Variants in PLCL2 observed in about 807,000 individuals in gnomAD.
PLCL2 encodes the protein inactive phospholipase C-like protein 2.
PLCL2 carries 4 observed loss-of-function variants against 79.6 expected under a neutral mutation model. The ratio of observed to expected loss-of-function variants is 0.05; its 90% confidence interval spans 0.02 to 0.11. PLCL2 has a LOEUF of 0.11. Ranked by LOEUF, PLCL2 falls within the 10% of genes least tolerant of loss-of-function variation. The probability of loss-of-function intolerance (pLI) is 1.00; values close to 1 mark genes in which losing one functional copy is unlikely to be tolerated. For missense variants in PLCL2, 895 were observed against 1,291.0 expected (o/e 0.69, Z 4.70); for synonymous variants, 484 against 457.7 (o/e 1.06, Z -0.73).
At chr3:16,992,884 A>C (rs747984035) in intron 1 of PLCL2, among the ~76,000 whole-genome samples, 2 of 152,212 alleles carry the variant, frequency 1.3e-5, no homozygotes, top group African/African-American at 4.8e-5. Context: ...ATGGCTGTTC[A>C]TCTCCTGGGT....
chr3:16,945,005 C>G (rs2063587574), intron 1 of PLCL2, among the ~76,000 whole-genome samples: 1 of 152,130 alleles, frequency 6.6e-6, no homozygotes. Context: ...GGTGATCCAC[C>G]CACCTGGGCC....
intron 5 of PLCL2, among the ~76,000 whole-genome samples, chr3:17,082,784 A>G (rs1027428569): frequency 3.9e-5 from 6 of 152,168 alleles, no homozygotes; most frequent in Admixed American, 1.3e-4. Flanking sequence ...TCACTAAGAC[A>G]TAACTTTTCG....
In PLCL2 at chr3:17,011,354, C is replaced by T; in HGVS notation, c.2008C>T (p.Arg670Cys). Residue 670 changes from arginine (R) to cysteine (C), a missense_variant, in exon 2 of 6, where the codon CGT (arginine) becomes TGT (cysteine). This residue lies in a region of PLCL2 where 242 missense variants were observed against 399.5 expected (regional missense o/e 0.61). Transcript: ENST00000615277. The surrounding 1 kb of genome is among the most constrained non-coding windows in gnomAD (Gnocchi z 7.9). ...AGGGGACTTTGTAAATTACAACAAACGTTTTCTTGCTAGGGTTTTTCCCAG... is the reference window on the plus strand; with the variant it reads ...AGGGGACTTTGTAAATTACAACAAATGTTTTCTTGCTAGGGTTTTTCCCAG... ...NPGDFVNYNK[R>C]FLARVFPSPM... is the part of the protein sequence containing the mutation. 1 of 1,614,068 alleles carries T rather than the reference C, an allele frequency of 6.2e-7. No homozygotes were observed. The highest frequency in any genetic ancestry group is 8.5e-7 in the Non-Finnish European group (1 of 1,179,996).
chr3:16,961,843 G>T (rs976382528), intron 1 of PLCL2, among the ~76,000 whole-genome samples: 6 of 152,182 alleles, frequency 3.9e-5, no homozygotes, highest in Admixed American at 1.3e-4. Flanking sequence ...GGACCCAAGG[G>T]GGCAAAGGCG....
At chr3:16,924,176 A>G (rs1445558293) in intron 1 of PLCL2, among the ~76,000 whole-genome samples, 1 of 152,160 alleles carries the variant, frequency 6.6e-6, no homozygotes, top group Non-Finnish European at 1.5e-5. Context: ...ATCCCTTTGC[A>G]TACCATGTAG....
At chr3:16,958,642 A>G (rs75908466) in intron 1 of PLCL2, among the ~76,000 whole-genome samples, 4,356 of 152,334 alleles carry the variant, frequency 0.029, 228 homozygotes, top group African/African-American at 0.1. Flanking sequence ...TATATAAAAA[A>G]TAAAGTCACT....
In PLCL2 at chr3:17,010,518, CCAAAGA is replaced by C; in HGVS notation, c.1173_1178del (p.Lys392_Glu393del). ...GAAATTATTCACAAATATGAACCAT[CCAAAGA>C]GGGTCAGGAAAAGGGCTGGCTCTCC... On this transcript the variant is annotated inframe_deletion, in exon 2 of 6. Coordinates refer to ENST00000615277, the MANE Select transcript of PLCL2 (RefSeq NM_001144382.2). This position sits in a 1 kb window ranked among gnomAD's most constrained non-coding sequence, Gnocchi z 5.8. The C allele has an allele frequency of 6.2e-7, 1 of 1,613,934 alleles. No individual in the cohort carries two copies.
intron 1 of PLCL2, among the ~76,000 whole-genome samples, chr3:16,912,941 A>G (rs755502968): frequency 2.0e-5 from 3 of 152,272 alleles, no homozygotes; most frequent in South Asian, 2.1e-4. Flanking sequence ...CCTGTCTCCA[A>G]CACATGCTTA....
intron 1 of PLCL2, among the ~76,000 whole-genome samples, chr3:16,961,994 G>A (rs888934277): frequency 4.6e-5 from 7 of 152,118 alleles, no homozygotes; most frequent in East Asian, 1.9e-4. Flanking sequence ...AGCTCCTGCC[G>A]GGAGGAATCT....
intron 3 of PLCL2, among the ~76,000 whole-genome samples, chr3:17,026,972 AAAT>A (rs765037987): frequency 6.6e-6 from 1 of 152,188 alleles, no homozygotes; most frequent in Non-Finnish European, 1.5e-5. Context: ...TTATTTAGCT[AAAT>A]ATAACTGGGA....
intron 1 of PLCL2, among the ~76,000 whole-genome samples, chr3:16,969,767 T>A (rs768167555): frequency 3.9e-5 from 6 of 152,046 alleles, no homozygotes; most frequent in Non-Finnish European, 7.4e-5. Flanking sequence ...TTTGGTTCTT[T>A]TCTTCTGCTA....
rs550511742 is a variant in PLCL2 at position 16,978,876 on chromosome 3, G to T, written c.328-30798G>T. On this transcript the variant is annotated intron_variant, in intron 1 of 5. Coordinates refer to ENST00000615277, the MANE Select transcript of PLCL2 (RefSeq NM_001144382.2). ...CCTTTGCCAAAGCATAGGAAAACTTGTGCTTAATTTTCTTTTAGCCAGCCC... is the reference window on the plus strand; with the variant it reads ...CCTTTGCCAAAGCATAGGAAAACTTTTGCTTAATTTTCTTTTAGCCAGCCC... Among the ~76,000 whole-genome samples, 3 of 152,328 alleles carry T rather than the reference G, an allele frequency of 2.0e-5. 1 individual carries two copies. In the South Asian group the frequency reaches 6.2e-4, roughly 32 times the overall value.
chr3:17,068,598 A>G (rs548486239), intron 5 of PLCL2, among the ~76,000 whole-genome samples: 11 of 152,298 alleles, frequency 7.2e-5, no homozygotes, highest in Non-Finnish European at 1.5e-4. Context: ...ATGCATATCT[A>G]TTTTGGCATA....
intron 1 of PLCL2, among the ~76,000 whole-genome samples, chr3:16,946,041 A>AAC (rs1245128946): frequency 2.6e-5 from 4 of 152,228 alleles, no homozygotes; most frequent in African/African-American, 9.6e-5. Context: ...GCGGTCCATA[A>AAC]ACATTAATCA....
intron 4 of PLCL2, among the ~76,000 whole-genome samples, chr3:17,063,245 CCTT>C (rs1487104306): frequency 3.5e-3 from 8 of 2,300 alleles, no homozygotes; most frequent in East Asian, 0.042. Context: ...TCCCTCCCTG[CCTT>C]CCTCCCTTCC....
At position 17,005,497 on chromosome 3, in the gene PLCL2, A is replaced by G. The variant is rs114052976; in HGVS notation, c.328-4177A>G. 6.5e-3 allele frequency among the ~76,000 whole-genome samples: 997 copies of G among 152,350 alleles called. 5 individuals are homozygous for G. The highest frequency in any genetic ancestry group is 1.0e-2 in the Non-Finnish European group (680 of 68,030). ...GTGACAGCCTTCTATTAAATAAAGT[A>G]GGCAGTTATGTTAGAAAGATGTATG... is the stretch of plus-strand genomic sequence containing the variant. On this transcript the variant is annotated intron_variant, in intron 1 of 5. Transcript: ENST00000615277.
intron 1 of PLCL2, among the ~76,000 whole-genome samples, chr3:16,903,669 C>T (rs915784365): frequency 6.6e-6 from 1 of 152,094 alleles, no homozygotes; most frequent in Non-Finnish European, 1.5e-5. Context: ...GGACAGAGCC[C>T]CAACGGTTCA....
At chr3:16,927,363 G>A (rs1328883421) in intron 1 of PLCL2, among the ~76,000 whole-genome samples, 1 of 152,104 alleles carries the variant, frequency 6.6e-6, no homozygotes, top group Non-Finnish European at 1.5e-5. Flanking sequence ...AAAAAAAAAT[G>A]AAATAAACAA....
chr3:16,956,905 T>A (rs2063710960), intron 1 of PLCL2, among the ~76,000 whole-genome samples: 1 of 152,178 alleles, frequency 6.6e-6, no homozygotes, highest in Admixed American at 6.5e-5. Flanking sequence ...TTGCATCTAT[T>A]TGATTCTTCT....
Sources: allele counts gnomAD v4.1 joint callset (sites outside exome capture counted in the v4.1 genomes callset), GRCh38; gene constraint gnomAD v4.1.1; regional missense constraint gnomAD v4.1.1; non-coding constraint Gnocchi (gnomAD v3.1); transcripts MANE v1.5; gene names NCBI Gene and HGNC (gene_info 2026-07-23, HGNC 2026-07-21).